Variants in KCND2 observed in about 807,000 individuals in gnomAD.
The protein encoded by KCND2 is A-type voltage-gated potassium channel KCND2.
KCND2 carries 16 observed loss-of-function variants against 54.4 expected under a neutral mutation model. The ratio of observed to expected loss-of-function variants is 0.29; its 90% CI spans 0.20 to 0.45. KCND2 has a LOEUF of 0.45. Ranked by LOEUF, KCND2 falls within the 20% of genes least tolerant of loss-of-function variation. The pLI is 1.00. For synonymous variants in KCND2, 317 were observed against 310.7 expected, an observed-to-expected ratio of 1.02 and a Z score of -0.21; for missense variants, 486 against 824.2, an observed-to-expected ratio of 0.59 and a Z score of 5.02.
intron 1 of KCND2, among the ~76,000 whole-genome samples, chr7:120,286,334 A>G (rs993491040): frequency 2.6e-5 from 4 of 151,956 alleles, no homozygotes; most frequent in African/African-American, 9.7e-5. Flanking sequence ...TATTATATAC[A>G]GATGCATATG....
intron 1 of KCND2, among the ~76,000 whole-genome samples, chr7:120,548,861 T>C (rs1331955775): frequency 6.6e-6 from 1 of 152,066 alleles, no homozygotes; most frequent in Admixed American, 6.6e-5. Context: ...CCAGAGAGGC[T>C]GACAAGGCAG....
intron 1 of KCND2, among the ~76,000 whole-genome samples, chr7:120,563,564 A>G (rs1203513165): frequency 6.6e-6 from 1 of 152,156 alleles, no homozygotes; most frequent in Non-Finnish European, 1.5e-5. Flanking sequence ...ATGGAAATCA[A>G]TATCTTCAAT....
At chr7:120,278,312 A>G (rs1799208906) in intron 1 of KCND2, among the ~76,000 whole-genome samples, 1 of 151,958 alleles carries the variant, frequency 6.6e-6, no homozygotes, top group Non-Finnish European at 1.5e-5. Context: ...CTGTAGTTCT[A>G]TACTTAGAGG....
At chr7:120,589,273 A>G (rs903010937) in intron 1 of KCND2, among the ~76,000 whole-genome samples, 5 of 152,376 alleles carry the variant, frequency 3.3e-5, no homozygotes, top group Admixed American at 2.0e-4. Flanking sequence ...ACCATGTCAA[A>G]TAAATAGCAG....
At chr7:120,292,146 AT>A (rs1263430799) in intron 1 of KCND2, among the ~76,000 whole-genome samples, 2 of 151,918 alleles carry the variant, frequency 1.3e-5, no homozygotes, top group Non-Finnish European at 2.9e-5. Context: ...GGTATTACAT[AT>A]TTTTTGTAAT....
intron 1 of KCND2, among the ~76,000 whole-genome samples, chr7:120,622,707 TCTCTCTCTCA>T (rs1793116291): frequency 4.2e-5 from 6 of 144,056 alleles, no homozygotes; most frequent in Admixed American, 3.5e-4. Flanking sequence ...TCTCTCTCTC[TCTCTCTCTCA>T]CACACACACA....
In KCND2 at chr7:120,750,316, T is replaced by A. The variant is rs1256039299; in HGVS notation, c.*2458T>A. 6.6e-6 allele frequency: 1 copy of A among 152,416 alleles called. No individual in the cohort carries two copies. Among genetic ancestry groups the A allele is most frequent in the African/African-American group, 2.4e-5 (1 of 41,440 alleles). 9.4% of individuals were successfully genotyped at this position (152,416 alleles called of 1,614,324 possible). The stretch of plus-strand genomic sequence containing the variant: ...TTGGAGAATACTTAAATAAAACATG[T>A]GCATGCTTGAACAGGACAAAATGTT... On this transcript the variant is annotated 3_prime_UTR_variant, in exon 6 of 6. Transcript: ENST00000331113.
At chr7:120,617,327 T>C (rs1793038986) in intron 1 of KCND2, among the ~76,000 whole-genome samples, 1 of 152,060 alleles carries the variant, frequency 6.6e-6, no homozygotes, top group African/African-American at 2.4e-5. Flanking sequence ...TAAACCAATC[T>C]ACTCCATGAA....
At position 120,733,044 on chromosome 7, in the gene KCND2, A is replaced by G; in HGVS notation, c.1257A>G (p.Ala419=). Residue 419 remains alanine (A), a synonymous_variant, in exon 2 of 6, where the codon GCA becomes GCG. Transcript: ENST00000331113. ...FSRIYHQNQR[A]DKRRAQKKAR... ...GCATCTACCACCAGAATCAACGAGC[A>G]GACAAACGAAGGGCACAAAAGGTGC... The G allele has an allele frequency of 1.2e-6, 2 of 1,613,582 alleles. No individual in the cohort carries two copies. Among genetic ancestry groups the G allele is most frequent in the Non-Finnish European group, 1.7e-6 (2 of 1,179,676 alleles).
intron 1 of KCND2, among the ~76,000 whole-genome samples, chr7:120,555,862 T>C (rs1364300260): frequency 6.6e-6 from 1 of 152,130 alleles, no homozygotes; most frequent in East Asian, 1.9e-4. Context: ...ATAAACAAAA[T>C]CCAGAGAGAT....
intron 1 of KCND2, among the ~76,000 whole-genome samples, chr7:120,628,622 A>T (rs1793190477): frequency 1.3e-5 from 2 of 152,226 alleles, no homozygotes; most frequent in Non-Finnish European, 2.9e-5. Flanking sequence ...CATATCTGTC[A>T]TAAATAAGAA....
At chr7:120,602,460 G>A (rs915339020) in intron 1 of KCND2, among the ~76,000 whole-genome samples, 63 of 152,120 alleles carry the variant, frequency 4.1e-4, no homozygotes, top group African/African-American at 1.5e-3. Flanking sequence ...AGTTTTCTAT[G>A]ACCCAACGTC....
At chr7:120,510,066 A>G (rs539329824) in intron 1 of KCND2, among the ~76,000 whole-genome samples, 1 of 152,170 alleles carries the variant, frequency 6.6e-6, no homozygotes, top group South Asian at 2.1e-4. Flanking sequence ...ACACTTCCTT[A>G]TGTGACACAA....
At chr7:120,431,577 T>A (rs1035576545) in intron 1 of KCND2, among the ~76,000 whole-genome samples, 1 of 152,124 alleles carries the variant, frequency 6.6e-6, no homozygotes, top group African/African-American at 2.4e-5. Context: ...ATCTCGCAAT[T>A]CTTGTGTCAG....
intron 1 of KCND2, among the ~76,000 whole-genome samples, chr7:120,663,181 A>G (rs1238573186): frequency 2.0e-5 from 3 of 152,176 alleles, no homozygotes; most frequent in Non-Finnish European, 2.9e-5. Context: ...GCATTTTCTT[A>G]GTACAAATAT....
chr7:120,651,744 G>A (rs1490058459), intron 1 of KCND2, among the ~76,000 whole-genome samples: 5 of 151,928 alleles, frequency 3.3e-5, no homozygotes, highest in South Asian at 4.2e-4. Context: ...GTTCCTATTC[G>A]GCCATCTTCC....
intron 1 of KCND2, among the ~76,000 whole-genome samples, chr7:120,722,042 G>T (rs1236381133): frequency 6.6e-6 from 1 of 152,122 alleles, no homozygotes; most frequent in Non-Finnish European, 1.5e-5. Context: ...CTCCATGATT[G>T]TGAGTCTTCT....
intron 1 of KCND2, among the ~76,000 whole-genome samples, chr7:120,687,857 T>A (rs1369225646): frequency 6.6e-6 from 1 of 152,216 alleles, no homozygotes; most frequent in Non-Finnish European, 1.5e-5. Context: ...GAGATTTACA[T>A]TGTAAAACAG....
intron 1 of KCND2, among the ~76,000 whole-genome samples, chr7:120,363,539 G>A (rs1265252179): frequency 6.6e-6 from 1 of 152,018 alleles, no homozygotes; most frequent in Non-Finnish European, 1.5e-5. Context: ...TATCCAGAGA[G>A]CAACCACTTC....
Sources: allele counts gnomAD v4.1 joint callset (sites outside exome capture counted in the v4.1 genomes callset), GRCh38; gene constraint gnomAD v4.1.1; transcripts MANE v1.5; gene names NCBI Gene and HGNC (gene_info 2026-07-23, HGNC 2026-07-21).